Variants in CNKSR2 observed in about 807,000 individuals in gnomAD.
The protein encoded by CNKSR2 is CNK homolog protein 2.
In CNKSR2, 14 loss-of-function variants were observed where a neutral mutation model predicts 84.4. That is an observed-to-expected ratio of 0.17 (90% confidence interval 0.11 to 0.26). The LOEUF (loss-of-function observed/expected upper bound fraction) is 0.26, where lower values mean the gene tolerates loss of function less well. Ranked by LOEUF, CNKSR2 falls within the 10% of genes least tolerant of loss-of-function variation. The probability of loss-of-function intolerance (pLI) is 1.00; values close to 1 mark genes in which losing one functional copy is unlikely to be tolerated. For synonymous variants in CNKSR2, 275 were observed against 277.9 expected (o/e 0.99, Z 0.10); for missense variants, 485 against 771.2 (o/e 0.63, Z 4.40).
chrX:21,392,750 T>A (rs895967601), intron 1 of CNKSR2, among the ~76,000 whole-genome samples: 1 of 111,467 alleles, frequency 9.0e-6, no homozygotes, highest in East Asian at 2.8e-4. Flanking sequence ...ATCAAGGAAG[T>A]CAATGCTTTT....
At chrX:21,519,585 A>G (rs922773956) in intron 9 of CNKSR2, among the ~76,000 whole-genome samples, 2 of 111,100 alleles carry the variant, frequency 1.8e-5, no homozygotes, top group African/African-American at 3.3e-5. Flanking sequence ...CAGCTCATCC[A>G]AATACAAATC....
At chrX:21,631,975 A>G (rs2092650101) in intron 20 of CNKSR2, among the ~76,000 whole-genome samples, 1 of 112,176 alleles carries the variant, frequency 8.9e-6, no homozygotes, top group Admixed American at 9.5e-5. Flanking sequence ...TACTAATTAG[A>G]ATATATGATA....
intron 5 of CNKSR2, among the ~76,000 whole-genome samples, chrX:21,484,012 C>G (rs1344684911): frequency 8.9e-6 from 1 of 112,353 alleles, no homozygotes; most frequent in Non-Finnish European, 1.9e-5. Context: ...AACATACTGG[C>G]TGGGTGCAGT....
chrX:21,477,632 C>T (rs1180186710), intron 5 of CNKSR2, among the ~76,000 whole-genome samples: 1 of 111,441 alleles, frequency 9.0e-6, no homozygotes. Context: ...ATAGAGCCAA[C>T]AGTTAGATGT....
At chrX:21,649,099 G>A in intron 21 of CNKSR2, 72 bp downstream of exon 21, 1 of 796,292 alleles carries the variant, frequency 1.3e-6, no homozygotes, top group African/African-American at 2.1e-5. Context: ...AGATACTGTA[G>A]GTTAAGAAAT....
chrX:21,486,764 G>A (rs1044579210), intron 5 of CNKSR2, among the ~76,000 whole-genome samples: 20 of 111,409 alleles, frequency 1.8e-4, no homozygotes, highest in African/African-American at 5.2e-4. Flanking sequence ...ATAATATTGT[G>A]TTTTAAAATA....
At chrX:21,388,191 G>A (rs767876099) in intron 1 of CNKSR2, among the ~76,000 whole-genome samples, 109 of 111,901 alleles carry the variant, frequency 9.7e-4, no homozygotes, top group African/African-American at 3.2e-3. Flanking sequence ...GAGCCACCGC[G>A]CCAGGCCTAT....
chrX:21,389,049 C>T (rs2090011944), intron 1 of CNKSR2, among the ~76,000 whole-genome samples: 1 of 107,534 alleles, frequency 9.3e-6, no homozygotes, highest in African/African-American at 3.4e-5. Flanking sequence ...TCCCCACAAA[C>T]CCATAACCCC....
At chrX:21,454,634 T>C (rs753978181) in intron 4 of CNKSR2, among the ~76,000 whole-genome samples, 1 of 112,148 alleles carries the variant, frequency 8.9e-6, no homozygotes, top group East Asian at 2.8e-4. Context: ...CTAAGTTTAT[T>C]CTTAGAGATG....
At chrX:21,566,234 G>A (rs1031558866) in intron 13 of CNKSR2, among the ~76,000 whole-genome samples, 3 of 112,085 alleles carry the variant, frequency 2.7e-5, no homozygotes, top group African/African-American at 9.7e-5. Context: ...AGCTGCCGCT[G>A]TTATAAAACA....
chrX:21,537,399 TAA>T lies in CNKSR2; in HGVS notation c.1303+5333_1303+5334del, dbSNP rs774276060. Among the ~76,000 whole-genome samples, 196 of 111,596 alleles carry T rather than the reference TAA, an allele frequency of 1.8e-3. 1 individual carries two copies. Among genetic ancestry groups the T allele is most frequent in the South Asian group, 0.011 (30 of 2,675 alleles). On this transcript the variant is annotated intron_variant, in intron 11 of 21. Coordinates refer to ENST00000379510, the MANE Select transcript of CNKSR2 (RefSeq NM_014927.5). ...GGTCCATTTAGTCTATAGTGCAGTTTAAGTCTGACATTTCTGTGTTGATTATC... is the reference window on the plus strand; with the variant it reads ...GGTCCATTTAGTCTATAGTGCAGTTTGTCTGACATTTCTGTGTTGATTATC...
intron 4 of CNKSR2, chrX:21,441,093 A>C: frequency 7.2e-6 from 1 of 139,152 alleles, no homozygotes; most frequent in Non-Finnish European, 1.4e-5. Context: ...GGGATCCCCA[A>C]ACCAGATGCC....
chrX:21,483,059 G>C lies in CNKSR2; in HGVS notation c.562-7400G>C, dbSNP rs907881144. Among the ~76,000 whole-genome samples the C allele has an allele frequency of 4.5e-5, 5 of 111,646 alleles. No individual in the cohort carries two copies. The South Asian group carries it at 1.1e-3, about 25-fold the overall frequency. ...TACATTAGTTTTTCAAGTTTAAAAA[G>C]TTTTTCTCCTTCAATTCTCTGTACT... On this transcript the variant is annotated intron_variant, in intron 5 of 21. Coordinates refer to ENST00000379510, the MANE Select transcript of CNKSR2 (RefSeq NM_014927.5).
chrX:21,590,914 TA>T, intron 14 of CNKSR2, 107 bp from the exon 15 acceptor site: 1 of 677,510 alleles, frequency 1.5e-6, no homozygotes, highest in Non-Finnish European at 2.2e-6. Flanking sequence ...TAATACAATA[TA>T]AAAATTTTTA....
intron 1 of CNKSR2, among the ~76,000 whole-genome samples, chrX:21,401,768 C>G (rs1465256716): frequency 8.9e-6 from 1 of 111,771 alleles, no homozygotes; most frequent in East Asian, 2.8e-4. Flanking sequence ...ATAGCATAGT[C>G]TTTGATCCTG....
chrX:21,629,801 A>T (rs1349431914), intron 20 of CNKSR2, among the ~76,000 whole-genome samples: 1 of 112,366 alleles, frequency 8.9e-6, no homozygotes, highest in East Asian at 2.8e-4. Flanking sequence ...TTGATAGGGA[A>T]AATAAATCCC....
chrX:21,539,968 A>G (rs1245796208), intron 11 of CNKSR2, among the ~76,000 whole-genome samples: 1 of 112,178 alleles, frequency 8.9e-6, no homozygotes, highest in African/African-American at 3.2e-5. Flanking sequence ...CAGGCACAGG[A>G]CTGTGTGGCC....
chrX:21,409,922 T>G (rs959008749), intron 1 of CNKSR2, among the ~76,000 whole-genome samples: 2 of 111,546 alleles, frequency 1.8e-5, no homozygotes, highest in Admixed American at 9.6e-5. Flanking sequence ...TCTATAGATG[T>G]CTGAGAAATA....
rs1257324603 is a variant in CNKSR2 at position 21,532,024 on chromosome X, A to C, written c.1260A>C (p.Gly420=). 8.3e-7 allele frequency: 1 copy of C among 1,203,246 alleles called. No individual in the cohort carries two copies. The highest frequency in any genetic ancestry group is 1.1e-6 in the Non-Finnish European group (1 of 890,028). ...TATATTGCTATGAATATGAAAAAGGAAGATCAAGTAGTCAAGGAAGACGAG... is the reference window on the plus strand; with the variant it reads ...TATATTGCTATGAATATGAAAAAGGCAGATCAAGTAGTCAAGGAAGACGAG... ...TVLYCYEYEK[G]RSSSQGRRES... Residue 420 remains glycine, a synonymous_variant, in exon 11 of 22, where the codon GGA becomes GGC. Coordinates refer to ENST00000379510, the MANE Select transcript of CNKSR2 (RefSeq NM_014927.5).
Sources: allele counts gnomAD v4.1 joint callset (sites outside exome capture counted in the v4.1 genomes callset), GRCh38; gene constraint gnomAD v4.1.1; transcripts MANE v1.5; gene names NCBI Gene and HGNC (gene_info 2026-07-23, HGNC 2026-07-21).